Variants in MAGI2 observed in about 807,000 individuals in gnomAD.
The protein encoded by MAGI2 is membrane-associated guanylate kinase, WW and PDZ domain-containing protein 2.
Under a neutral mutation model 133.3 loss-of-function variants are expected in MAGI2, and 35 were observed. The ratio of observed to expected loss-of-function variants is 0.26; its 90% CI spans 0.20 to 0.35. The LOEUF (loss-of-function observed/expected upper bound fraction) is 0.35, where lower values mean the gene tolerates loss of function less well. Ranked by LOEUF, MAGI2 falls within the 10% of genes least tolerant of loss-of-function variation. MAGI2 has a pLI of 1.00. For synonymous variants in MAGI2, 729 were observed against 710.6 expected, an observed-to-expected ratio of 1.03 and a Z score of -0.41; for missense variants, 1,636 against 1,863.4, an observed-to-expected ratio of 0.88 and a Z score of 2.25.
chr7:78,341,970 T>C (rs1006524318), intron 9 of MAGI2, among the ~76,000 whole-genome samples: 2 of 152,104 alleles, frequency 1.3e-5, no homozygotes, highest in East Asian at 1.9e-4. Context: ...GGGATCTAAT[T>C]AAACTAAAGA....
intron 1 of MAGI2, among the ~76,000 whole-genome samples, chr7:79,073,560 C>T (rs1815190651): frequency 6.6e-6 from 1 of 152,120 alleles, no homozygotes; most frequent in East Asian, 1.9e-4. Context: ...TCTCCTCACA[C>T]TTTTATCTTT....
chr7:79,038,520 G>T (rs1003038361), intron 1 of MAGI2, among the ~76,000 whole-genome samples: 1 of 151,986 alleles, frequency 6.6e-6, no homozygotes, highest in African/African-American at 2.4e-5. Flanking sequence ...TTGCATTCAG[G>T]TTATACTTTC....
chr7:79,391,562 T>TAG (rs1421027683), intron 1 of MAGI2, among the ~76,000 whole-genome samples: 1 of 68,352 alleles, frequency 1.5e-5, no homozygotes, highest in Non-Finnish European at 2.6e-5. Context: ...TATATATATA[T>TAG]ACACACTTTA....
At chr7:78,578,105 G>C (rs1802457991) in intron 3 of MAGI2, among the ~76,000 whole-genome samples, 1 of 150,686 alleles carries the variant, frequency 6.6e-6, no homozygotes, top group South Asian at 2.1e-4. Flanking sequence ...ACTTTAAGTA[G>C]GGAAAATTTG....
Position 79,387,519 on chromosome 7 carries a change from G to GT in MAGI2, c.301+65500dup, listed in dbSNP as rs773631418. 7.9e-5 allele frequency among the ~76,000 whole-genome samples: 12 copies of GT among 151,950 alleles called. No homozygotes were observed. The South Asian group carries it at 8.3e-4, about 11-fold the overall frequency. ...TATTGATTTTATTTTAAAAAATGAG[G>GT]TTTTTTTCCAGAAATTATTATGACT... On this transcript the variant is annotated intron_variant, in intron 1 of 21. Transcript: ENST00000354212.
intron 1 of MAGI2, among the ~76,000 whole-genome samples, chr7:79,226,318 G>A (rs1166862659): frequency 2.0e-5 from 3 of 152,068 alleles, no homozygotes; most frequent in Admixed American, 2.0e-4. Context: ...TTTTAGAGTG[G>A]TGTCTGGGGA....
chr7:78,573,074 T>TAC (rs1358230117), intron 3 of MAGI2, among the ~76,000 whole-genome samples: 62 of 75,450 alleles, frequency 8.2e-4, no homozygotes, highest in Non-Finnish European at 1.2e-3. Flanking sequence ...TATATATATA[T>TAC]ATACACACAC....
intron 2 of MAGI2, among the ~76,000 whole-genome samples, chr7:78,745,815 T>C (rs1050388928): frequency 6.6e-6 from 1 of 152,212 alleles, no homozygotes; most frequent in African/African-American, 2.4e-5. Context: ...TGCTTGGTAT[T>C]CTAGGCATCT....
chr7:78,485,566 T>C (rs893432540), intron 6 of MAGI2: 1 of 151,988 alleles, frequency 6.6e-6, no homozygotes, highest in African/African-American at 2.4e-5. Context: ...TTTTGTTAGT[T>C]TTTTCTCTAG....
At chr7:78,294,512 G>A (rs1797034778) in intron 9 of MAGI2, among the ~76,000 whole-genome samples, 1 of 151,992 alleles carries the variant, frequency 6.6e-6, no homozygotes, top group Non-Finnish European at 1.5e-5. Context: ...GCACTGTAGG[G>A]GACTGATAAT....
intron 1 of MAGI2, among the ~76,000 whole-genome samples, chr7:79,195,995 C>A (rs1247128851): frequency 6.6e-6 from 1 of 151,632 alleles, no homozygotes. Flanking sequence ...AGATATTGGT[C>A]AGAGGAATAA....
At chr7:78,608,075 T>C (rs1200965743) in intron 3 of MAGI2, among the ~76,000 whole-genome samples, 1 of 152,172 alleles carries the variant, frequency 6.6e-6, no homozygotes, top group African/African-American at 2.4e-5. Context: ...TCAGCTATCA[T>C]AGGCCGCTCA....
chr7:78,017,591 A>C lies in MAGI2; in HGVS notation c.*1724T>G, dbSNP rs182324251. 1.0e-3 allele frequency: 155 copies of C among 152,766 alleles called. 1 individual carries two copies. The highest frequency in any genetic ancestry group is 3.4e-3 in the African/African-American group (141 of 41,590). The allele number at this position is 152,766 out of a possible 1,614,324, so 9.5% of individuals were successfully genotyped here. A position where few individuals can be genotyped will look rare whatever the true frequency, so the allele number is the denominator to read the frequency against. ...AACCAAAAGCATTATAAACTGCTAC[A>C]AGTGTTTGTGCTTTTGTTTACGATG... On this transcript the variant is annotated 3_prime_UTR_variant, in exon 22 of 22. Transcript: ENST00000354212.
At chr7:78,319,604 A>G (rs1042625816) in intron 9 of MAGI2, among the ~76,000 whole-genome samples, 3 of 152,212 alleles carry the variant, frequency 2.0e-5, no homozygotes, top group African/African-American at 7.2e-5. Flanking sequence ...AACATAACAA[A>G]ATCTCTGGGA....
intron 3 of MAGI2, among the ~76,000 whole-genome samples, chr7:78,576,448 T>G (rs1430441291): frequency 6.6e-6 from 1 of 152,042 alleles, no homozygotes; most frequent in African/African-American, 2.4e-5. Flanking sequence ...TTCCCCTTTC[T>G]CCCACAAGGC....
chr7:78,361,743 A>G (rs1381139872), intron 7 of MAGI2, among the ~76,000 whole-genome samples: 1 of 152,206 alleles, frequency 6.6e-6, no homozygotes, highest in Non-Finnish European at 1.5e-5. Context: ...ATAAGATGTA[A>G]GAGTCGCTAA....
chr7:79,330,279 C>T (rs559612603), intron 1 of MAGI2, among the ~76,000 whole-genome samples: 1 of 142,966 alleles, frequency 7.0e-6, no homozygotes, highest in African/African-American at 2.6e-5. Context: ...CTGCAAGCTC[C>T]GCCTTCCAGG....
At chr7:78,344,601 C>A (rs1584946134) in intron 8 of MAGI2, among the ~76,000 whole-genome samples, 1 of 152,096 alleles carries the variant, frequency 6.6e-6, no homozygotes, top group East Asian at 1.9e-4. Context: ...TTGTGAGATA[C>A]TATAAAGATA....
At chr7:79,250,061 A>G (rs547522851) in intron 1 of MAGI2, among the ~76,000 whole-genome samples, 1 of 152,156 alleles carries the variant, frequency 6.6e-6, no homozygotes, top group Admixed American at 6.5e-5. Context: ...AACTGATGAT[A>G]AAAAAGCATT....
Sources: allele counts gnomAD v4.1 joint callset (sites outside exome capture counted in the v4.1 genomes callset), GRCh38; gene constraint gnomAD v4.1.1; transcripts MANE v1.5; gene names NCBI Gene and HGNC (gene_info 2026-07-23, HGNC 2026-07-21).